MGAT4C: variants seen among roughly 807,000 people sequenced by gnomAD.
The protein encoded by MGAT4C is alpha-1,3-mannosyl-glycoprotein 4-beta-N-acetylglucosaminyltransferase C.
In MGAT4C, 19 loss-of-function variants were observed where a neutral mutation model predicts 40.1. The ratio of observed to expected loss-of-function variants is 0.47; its 90% confidence interval spans 0.33 to 0.70. The LOEUF (loss-of-function observed/expected upper bound fraction) is 0.70, where lower values mean the gene tolerates loss of function less well. Among genes scored for constraint, MGAT4C ranks in the 30% least tolerant of loss-of-function variants. The pLI, the probability that MGAT4C is intolerant of heterozygous loss-of-function variation, is 0.02. For missense variants in MGAT4C, 491 were observed against 563.2 expected (o/e 0.87, Z 1.30); for synonymous variants, 181 against 187.1 (o/e 0.97, Z 0.27).
At chr12:86,029,592 A>T (rs1056190627) in intron 2 of MGAT4C, among the ~76,000 whole-genome samples, 2 of 151,918 alleles carry the variant, frequency 1.3e-5, no homozygotes, top group Admixed American at 6.6e-5. Flanking sequence ...AGAGAGGAGA[A>T]CCTGCTTAAA....
chr12:86,089,860 T>C (rs1872577364), intron 1 of MGAT4C, among the ~76,000 whole-genome samples: 2 of 151,772 alleles, frequency 1.3e-5, no homozygotes, highest in Non-Finnish European at 3.0e-5. Flanking sequence ...CTCTTTTTCA[T>C]AGGTGATGTA....
chr12:86,487,105 C>T (rs1485478130), intron 2 of MGAT4C, among the ~76,000 whole-genome samples: 2 of 152,110 alleles, frequency 1.3e-5, no homozygotes, highest in African/African-American at 4.8e-5. Context: ...ATCATGGTCA[C>T]GTCTTTCTCT....
chr12:86,605,543 ACT>A (rs1962013681), intron 2 of MGAT4C, among the ~76,000 whole-genome samples: 1 of 152,054 alleles, frequency 6.6e-6, no homozygotes, highest in African/African-American at 2.4e-5. Flanking sequence ...TCCATAACTA[ACT>A]CTCGATTTTC....
intron 2 of MGAT4C, among the ~76,000 whole-genome samples, chr12:86,673,969 G>A (rs572523832): frequency 6.6e-6 from 1 of 152,000 alleles, no homozygotes; most frequent in African/African-American, 2.4e-5. Context: ...AATGATAAAT[G>A]ATGGCATTGC....
chr12:86,488,470 C>T (rs1391201371), intron 2 of MGAT4C, among the ~76,000 whole-genome samples: 2 of 151,522 alleles, frequency 1.3e-5, no homozygotes, highest in Non-Finnish European at 2.9e-5. Flanking sequence ...AAACATCATT[C>T]ACTAATTTAT....
chr12:86,588,309 C>A (rs1042878880), intron 2 of MGAT4C, among the ~76,000 whole-genome samples: 9 of 151,854 alleles, frequency 5.9e-5, no homozygotes, highest in African/African-American at 2.2e-4. Context: ...ACAAAGAAGG[C>A]CATTACATAA....
chr12:86,312,782 T>C (rs1954112089), intron 4 of MGAT4C, among the ~76,000 whole-genome samples: 1 of 152,100 alleles, frequency 6.6e-6, no homozygotes, highest in African/African-American at 2.4e-5. Flanking sequence ...TTAGAAGTCA[T>C]CATATAGCAT....
At chr12:86,229,923 G>A (rs1255384842) in intron 1 of MGAT4C, among the ~76,000 whole-genome samples, 1 of 151,996 alleles carries the variant, frequency 6.6e-6, no homozygotes, top group Non-Finnish European at 1.5e-5. Flanking sequence ...CTTTATTGCA[G>A]GGAGGAGAAA....
intron 4 of MGAT4C, among the ~76,000 whole-genome samples, chr12:86,291,580 T>G (rs1383715114): frequency 6.6e-6 from 1 of 152,206 alleles, no homozygotes; most frequent in African/African-American, 2.4e-5. Flanking sequence ...TATTCTCGTG[T>G]TTTCCAAATG....
At position 86,657,666 on chromosome 12, in the gene MGAT4C, G is replaced by A. The variant is rs182964162; in HGVS notation, c.-229+69543C>T. ...GAATGAAAACAATTATAACTAGCATGGGAGCAATTAAAAATATGAGAATGT... is the reference window on the plus strand; with the variant it reads ...GAATGAAAACAATTATAACTAGCATAGGAGCAATTAAAAATATGAGAATGT... On this transcript the variant is annotated intron_variant, in intron 2 of 7. Coordinates refer to the MGAT4C transcript ENST00000548651. Among the ~76,000 whole-genome samples, 477 of 151,910 alleles carry A rather than the reference G, an allele frequency of 3.1e-3. 1 individual carries two copies. Among genetic ancestry groups the A allele is most frequent in the African/African-American group, 0.011 (461 of 41,510 alleles).
intron 1 of MGAT4C, among the ~76,000 whole-genome samples, chr12:86,743,935 T>C (rs988985364): frequency 1.3e-5 from 2 of 151,598 alleles, no homozygotes; most frequent in Non-Finnish European, 3.0e-5. Flanking sequence ...ACACTCAAAA[T>C]GTAGTGATTT....
At chr12:86,207,470 G>A (rs1371219950) in intron 1 of MGAT4C, among the ~76,000 whole-genome samples, 1 of 151,922 alleles carries the variant, frequency 6.6e-6, no homozygotes, top group African/African-American at 2.4e-5. Flanking sequence ...GGCCTTGTGT[G>A]TGATGTTCTC....
At chr12:86,003,745 T>G (rs1248092890) in intron 2 of MGAT4C, among the ~76,000 whole-genome samples, 1 of 128,204 alleles carries the variant, frequency 7.8e-6, no homozygotes, top group Non-Finnish European at 1.7e-5. Context: ...TGTGAAGTTT[T>G]GTGAAGAAGA....
At chr12:86,437,000 AATTTTCG>A (rs1339585546) in intron 2 of MGAT4C, among the ~76,000 whole-genome samples, 1 of 151,730 alleles carries the variant, frequency 6.6e-6, no homozygotes, top group Non-Finnish European at 1.5e-5. Context: ...CACTTTATGT[AATTTTCG>A]ATGTAGAAAT....
chr12:86,288,818 G>C (rs1443594249), intron 4 of MGAT4C, among the ~76,000 whole-genome samples: 1 of 151,914 alleles, frequency 6.6e-6, no homozygotes, highest in Non-Finnish European at 1.5e-5. Flanking sequence ...TTAGACCTTT[G>C]TTGGACGCAC....
intron 1 of MGAT4C, among the ~76,000 whole-genome samples, chr12:86,120,958 G>A (rs1244710678): frequency 6.6e-6 from 1 of 152,192 alleles, no homozygotes; most frequent in Non-Finnish European, 1.5e-5. Context: ...AGCTAAAGGA[G>A]GATGTTTGAA....
At chr12:86,762,606 C>G (rs1360570455) in intron 1 of MGAT4C, among the ~76,000 whole-genome samples, 5 of 152,148 alleles carry the variant, frequency 3.3e-5, no homozygotes, top group African/African-American at 1.2e-4. Context: ...TTCTGTGTCC[C>G]TCAGCATTTT....
At chr12:86,834,637 C>CACACACACACACACACACA in intron 1 of MGAT4C, among the ~76,000 whole-genome samples, 1 of 149,820 alleles carries the variant, frequency 6.7e-6, no homozygotes, top group Non-Finnish European at 1.5e-5. Context: ...CACACACACA[C>CACACACACACACACACACA]CCCTTTACAG....
intron 1 of MGAT4C, among the ~76,000 whole-genome samples, chr12:86,252,603 A>G (rs1952345105): frequency 6.6e-6 from 1 of 151,972 alleles, no homozygotes; most frequent in African/African-American, 2.4e-5. Flanking sequence ...ATTAGTAGCT[A>G]CCAAGACAGT....
Sources: gnomAD v4.1 joint callset for allele counts (sites outside exome capture counted in the v4.1 genomes callset) on GRCh38, gnomAD v4.1.1 for gene constraint, MANE v1.5 for transcripts, NCBI Gene and HGNC (gene_info 2026-07-23, HGNC 2026-07-21) for gene names.